Variants in PTPRT observed in about 807,000 individuals in gnomAD.
PTPRT encodes the protein protein tyrosine phosphatase receptor type T.
A neutral mutation model predicts 176.8 loss-of-function variants in PTPRT; 56 were observed. The ratio of observed to expected loss-of-function variants is 0.32; its 90% CI spans 0.26 to 0.40. The LOEUF (loss-of-function observed/expected upper bound fraction) is 0.40, where lower values mean the gene tolerates loss of function less well. PTPRT is among the 10% of genes least tolerant of loss of function. PTPRT has a pLI of 1.00. For synonymous variants in PTPRT, 783 were observed against 739.0 expected (o/e 1.06, Z -0.96); for missense variants, 1,540 against 1,908.2 (o/e 0.81, Z 3.60).
intron 9 of PTPRT, among the ~76,000 whole-genome samples, chr20:42,427,509 CGCCTTCTA>C (rs138416626): frequency 0.23 from 35,570 of 151,782 alleles, 4,593 homozygotes; most frequent in African/African-American, 0.34. Flanking sequence ...TCATCGATGG[CGCCTTCTA>C]GCTGTGTCTT....
At chr20:42,491,170 C>T (rs936675555) in intron 7 of PTPRT, among the ~76,000 whole-genome samples, 2 of 152,098 alleles carry the variant, frequency 1.3e-5, no homozygotes, top group Non-Finnish European at 2.9e-5. Context: ...ATTTAACATA[C>T]GATGTATTTT....
At chr20:42,068,166 A>C (rs1982157865), downstream of PTPRT, among the ~76,000 whole-genome samples, 1 of 152,158 alleles carries the variant, frequency 6.6e-6, no homozygotes, top group Non-Finnish European at 1.5e-5. Context: ...CACACTCACA[A>C]GTGCTAAGTG....
chr20:42,594,485 A>G (rs559081048), intron 7 of PTPRT, among the ~76,000 whole-genome samples: 39 of 152,348 alleles, frequency 2.6e-4, no homozygotes, highest in Non-Finnish European at 5.1e-4. Flanking sequence ...AAACATTAAT[A>G]AAATCAAATA....
chr20:42,482,103 G>C (rs988438810), intron 7 of PTPRT, among the ~76,000 whole-genome samples: 2 of 152,186 alleles, frequency 1.3e-5, no homozygotes, highest in African/African-American at 4.8e-5. Context: ...TTGGGCAAAG[G>C]ATGGATAGGA....
At chr20:43,129,406 T>G (rs1022992015) in intron 1 of PTPRT, among the ~76,000 whole-genome samples, 2 of 152,120 alleles carry the variant, frequency 1.3e-5, no homozygotes, top group Non-Finnish European at 2.9e-5. Context: ...GAGGGAGTAC[T>G]TTTTTCCAGT....
chr20:42,083,760 T>C (rs903375395), intron 29 of PTPRT, among the ~76,000 whole-genome samples: 5 of 152,338 alleles, frequency 3.3e-5, no homozygotes, highest in Non-Finnish European at 5.9e-5. Context: ...CATAACATTT[T>C]AAAAGAGAGA....
chr20:42,578,026 G>A lies in PTPRT; in HGVS notation c.1153+99840C>T, dbSNP rs551981477. Reference sequence around the variant, plus strand: ...TAGGAGGTGGGACGCTAGCAAACTGGAAGGCAGAGCCCATCTGACCCTGAG... The same window carrying A: ...TAGGAGGTGGGACGCTAGCAAACTGAAAGGCAGAGCCCATCTGACCCTGAG... On this transcript the variant is annotated intron_variant, in intron 7 of 30. Coordinates refer to ENST00000373187, the MANE Select transcript of PTPRT (RefSeq NM_007050.6). Among the ~76,000 whole-genome samples, 3 of 151,320 alleles carry A rather than the reference G, an allele frequency of 2.0e-5. No homozygotes were observed. The East Asian group carries it at 5.9e-4, about 30-fold the overall frequency.
At chr20:42,934,236 C>CAGAGAA (rs1197607894) in intron 1 of PTPRT, among the ~76,000 whole-genome samples, 1 of 152,034 alleles carries the variant, frequency 6.6e-6, no homozygotes, top group East Asian at 1.9e-4. Flanking sequence ...AAACGAGAGA[C>CAGAGAA]AGAGAAAGAG....
chr20:42,984,878 C>T (rs1255765030), intron 1 of PTPRT, among the ~76,000 whole-genome samples: 2 of 152,140 alleles, frequency 1.3e-5, no homozygotes, highest in Non-Finnish European at 2.9e-5. Flanking sequence ...GAATGCATAG[C>T]ATGTGGTAAG....
At chr20:42,464,023 C>A (rs79648556) in intron 8 of PTPRT, among the ~76,000 whole-genome samples, 8,834 of 152,238 alleles carry the variant, frequency 0.058, 383 homozygotes, top group Non-Finnish European at 0.088. Context: ...ACTTTGCCAA[C>A]TTCCATGGTG....
chr20:42,308,935 C>T (rs1021744531), intron 12 of PTPRT, among the ~76,000 whole-genome samples: 1 of 152,188 alleles, frequency 6.6e-6, no homozygotes, highest in South Asian at 2.1e-4. Flanking sequence ...AGCATCATGA[C>T]CAATTCAACA....
At chr20:42,573,482 G>A (rs2073195402) in intron 7 of PTPRT, among the ~76,000 whole-genome samples, 1 of 152,228 alleles carries the variant, frequency 6.6e-6, no homozygotes. Context: ...GTGTTGTGGT[G>A]AGAATAAGCT....
At chr20:42,048,537 G>A in the PTPRT span, among the ~76,000 whole-genome samples, 1 of 152,090 alleles carries the variant, frequency 6.6e-6, no homozygotes, top group South Asian at 2.1e-4. Context: ...CCACGTCGTG[G>A]GAGCTCAGGA....
intron 13 of PTPRT, among the ~76,000 whole-genome samples, chr20:42,253,850 C>G (rs546211775): frequency 3.8e-4 from 58 of 152,304 alleles, no homozygotes; most frequent in Middle Eastern, 3.4e-3. Context: ...AAGGCTGAAC[C>G]AGTTCTCAAA....
chr20:42,953,545 C>T lies in PTPRT; in HGVS notation c.89-67613G>A, dbSNP rs922564527. ...GAGCTCAGATGACCTCTGTTCCTGG[C>T]GGGGGAAGTATCTTCTCACTTCCAC... On this transcript the variant is annotated intron_variant, in intron 1 of 30. Transcript: ENST00000373187. Among the ~76,000 whole-genome samples the T allele has an allele frequency of 2.6e-5, 4 of 152,124 alleles. No individual in the cohort carries two copies. In the East Asian group the frequency reaches 5.8e-4, roughly 22 times the overall value.
rs138997004 is a variant in PTPRT, at chr20:42,925,375, T to C, written c.89-39443A>G. Among the ~76,000 whole-genome samples the C allele has an allele frequency of 2.5e-3, 383 of 152,250 alleles. 1 individual carries two copies. Among genetic ancestry groups the C allele is most frequent in the African/African-American group, 8.7e-3 (363 of 41,540 alleles). On this transcript the variant is annotated intron_variant, in intron 1 of 30. Transcript: ENST00000373187. ...AACATAAGTAAATGTTGGCTAGATA[T>C]TGTTGCTCCCCTAGGGTTCTGACCC...
chr20:42,141,054 C>G (rs1295121296), intron 18 of PTPRT, among the ~76,000 whole-genome samples: 1 of 152,186 alleles, frequency 6.6e-6, no homozygotes, highest in Non-Finnish European at 1.5e-5. Flanking sequence ...CTGACTTCAT[C>G]AATGAGTCAT....
At chr20:43,053,893 A>C (rs1254474417) in intron 1 of PTPRT, among the ~76,000 whole-genome samples, 10 of 152,250 alleles carry the variant, frequency 6.6e-5, no homozygotes, top group Admixed American at 6.5e-4. Context: ...ACATATTTCT[A>C]AGAAATTAAT....
rs148512791 is a variant in PTPRT, at chr20:42,406,273, T to C, written c.1560+41947A>G. Among the ~76,000 whole-genome samples the C allele has an allele frequency of 5.3e-5, 8 of 152,062 alleles. No individual in the cohort carries two copies. The East Asian group carries it at 1.5e-3, about 29-fold the overall frequency. On this transcript the variant is annotated intron_variant, in intron 9 of 30. Transcript: ENST00000373187. Reference sequence around the variant, plus strand: ...CTAAATAAAATCAAAGGTCGTCCTTTGAAAAAACATGGTACATTTGGTGAA... The same window carrying C: ...CTAAATAAAATCAAAGGTCGTCCTTCGAAAAAACATGGTACATTTGGTGAA...
Sources: allele counts gnomAD v4.1 joint callset (sites outside exome capture counted in the v4.1 genomes callset), GRCh38; gene constraint gnomAD v4.1.1; transcripts MANE v1.5; gene names NCBI Gene and HGNC (gene_info 2026-07-23, HGNC 2026-07-21).